Variants in SSBP2 observed in about 807,000 individuals in gnomAD.
SSBP2 encodes single stranded DNA binding protein 2.
A neutral mutation model predicts 61.8 loss-of-function variants in SSBP2; 17 were observed. That is an observed-to-expected ratio of 0.28 (90% CI 0.19 to 0.41). The LOEUF (loss-of-function observed/expected upper bound fraction) is 0.41. Ranked by LOEUF, SSBP2 falls within the 10% of genes least tolerant of loss-of-function variation. The pLI is 1.00. For synonymous variants in SSBP2, 139 were observed against 141.3 expected, an observed-to-expected ratio of 0.98 and a Z score of 0.12; for missense variants, 310 against 458.7, an observed-to-expected ratio of 0.68 and a Z score of 2.96.
intron 3 of SSBP2, among the ~76,000 whole-genome samples, chr5:81,626,877 T>C (rs1747215070): frequency 6.6e-6 from 1 of 152,226 alleles, no homozygotes; most frequent in Non-Finnish European, 1.5e-5. Flanking sequence ...TTAAGAAATA[T>C]GTGTTACTGA....
chr5:81,471,700 T>G (rs1400671601), intron 8 of SSBP2, among the ~76,000 whole-genome samples: 1 of 151,974 alleles, frequency 6.6e-6, no homozygotes, highest in African/African-American at 2.4e-5. Context: ...TTATTAGCTC[T>G]TAAGGAAATC....
chr5:81,685,558 G>C (rs1481937162), intron 1 of SSBP2, among the ~76,000 whole-genome samples: 1 of 152,076 alleles, frequency 6.6e-6, no homozygotes, highest in Admixed American at 6.6e-5. Flanking sequence ...TTAAAAAGAA[G>C]TTGCCCTACT....
intron 4 of SSBP2, among the ~76,000 whole-genome samples, chr5:81,546,008 T>A (rs1284235494): frequency 1.3e-5 from 2 of 152,200 alleles, no homozygotes; most frequent in African/African-American, 4.8e-5. Flanking sequence ...GTTGATCAGA[T>A]GAAATTCCCT....
At chr5:81,424,795 T>C (rs1761849279) in intron 16 of SSBP2, among the ~76,000 whole-genome samples, 1 of 151,960 alleles carries the variant, frequency 6.6e-6, no homozygotes, top group South Asian at 2.1e-4. Flanking sequence ...AAAGGAAGAG[T>C]AGGTGTTAAA....
intron 1 of SSBP2, among the ~76,000 whole-genome samples, chr5:81,699,887 GCT>G (rs1485606222): frequency 7.5e-6 from 1 of 133,520 alleles, no homozygotes; most frequent in African/African-American, 2.9e-5. Flanking sequence ...GACATGGTCT[GCT>G]CTGTCACCCA....
At chr5:81,497,450 A>G (rs1767374267) in intron 5 of SSBP2, among the ~76,000 whole-genome samples, 1 of 152,188 alleles carries the variant, frequency 6.6e-6, no homozygotes. Context: ...CAAAAGATAT[A>G]ATAAAGCTTG....
chr5:81,733,189 G>A (rs756297502), intron 1 of SSBP2, among the ~76,000 whole-genome samples: 4 of 151,874 alleles, frequency 2.6e-5, no homozygotes, highest in South Asian at 2.1e-4. Context: ...AGTGTCAATC[G>A]GCAAGATGAC....
At chr5:81,726,057 A>AT (rs1755865997) in intron 1 of SSBP2, among the ~76,000 whole-genome samples, 1 of 152,230 alleles carries the variant, frequency 6.6e-6, no homozygotes, top group Admixed American at 6.5e-5. Context: ...TTAAAGAGAC[A>AT]GACATATTCA....
chr5:81,638,847 T>C (rs546194554), intron 2 of SSBP2, among the ~76,000 whole-genome samples: 1 of 152,244 alleles, frequency 6.6e-6, no homozygotes, highest in African/African-American at 2.4e-5. Flanking sequence ...AAAGTAAAAA[T>C]GAATCATTTA....
Position 81,415,532 on chromosome 5 carries a change from T to C in SSBP2, c.*4972A>G, listed in dbSNP as rs1283741114. 1 of 152,108 alleles carries C rather than the reference T, an allele frequency of 6.6e-6. No homozygotes were observed. The highest frequency in any genetic ancestry group is 6.5e-5 in the Admixed American group (1 of 15,274). The allele number at this position is 152,108 out of a possible 1,614,324, so 9.4% of individuals were successfully genotyped here. ...TTATTGTTATAAAAATTTTTTCCAA[T>C]ATTTTTTATCAGGAGTTGATTGAAT... On this transcript the variant is annotated 3_prime_UTR_variant, in exon 17 of 17. Coordinates refer to ENST00000320672, the MANE Select transcript of SSBP2 (RefSeq NM_012446.5).
At chr5:81,425,362 T>C (rs1422201895) in intron 16 of SSBP2, among the ~76,000 whole-genome samples, 2 of 152,210 alleles carry the variant, frequency 1.3e-5, no homozygotes, top group African/African-American at 4.8e-5. Context: ...ATAAATTTAG[T>C]ATTTATGATT....
At chr5:81,452,895 G>C (rs1763867954) in intron 10 of SSBP2, among the ~76,000 whole-genome samples, 1 of 151,350 alleles carries the variant, frequency 6.6e-6, no homozygotes, top group African/African-American at 2.4e-5. Context: ...CAAGATACTT[G>C]ATCTAGGATT....
intron 4 of SSBP2, among the ~76,000 whole-genome samples, chr5:81,593,176 G>A (rs927070963): frequency 8.5e-5 from 13 of 152,152 alleles, no homozygotes; most frequent in East Asian, 7.7e-4. Context: ...ACCAAGGCAC[G>A]AGAGCTACAT....
At chr5:81,693,484 AT>A (rs1454006082) in intron 1 of SSBP2, among the ~76,000 whole-genome samples, 1 of 152,184 alleles carries the variant, frequency 6.6e-6, no homozygotes, top group East Asian at 1.9e-4. Flanking sequence ...GTACAGAAAA[AT>A]AATCTAATAA....
Position 81,556,340 on chromosome 5 carries a change from C to T in SSBP2, c.283-42623G>A, listed in dbSNP as rs1048704823. On this transcript the variant is annotated intron_variant, in intron 4 of 16. Transcript: ENST00000320672. ...ACGGGTACCAGAAAGACTTTCTCAGCTCAGTATCTTAGAAACCTATATTTC... is the reference window on the plus strand; with the variant it reads ...ACGGGTACCAGAAAGACTTTCTCAGTTCAGTATCTTAGAAACCTATATTTC... Among the ~76,000 whole-genome samples the T allele has an allele frequency of 2.6e-5, 4 of 152,162 alleles. No homozygotes were observed. In the South Asian group the frequency reaches 6.2e-4, roughly 24 times the overall value.
intron 14 of SSBP2, among the ~76,000 whole-genome samples, chr5:81,438,719 T>C (rs1019476843): frequency 2.6e-4 from 39 of 152,196 alleles, no homozygotes; most frequent in Non-Finnish European, 2.8e-4. Context: ...AATGAGAGCC[T>C]TTTAACTATT....
intron 2 of SSBP2, among the ~76,000 whole-genome samples, chr5:81,646,142 C>T (rs1329033686): frequency 6.6e-6 from 1 of 152,048 alleles, no homozygotes; most frequent in Admixed American, 6.6e-5. Context: ...CGCAACTTCA[C>T]CCAAAAGAAC....
At chr5:81,651,555 G>A (rs1249116713) in intron 1 of SSBP2, among the ~76,000 whole-genome samples, 3 of 152,110 alleles carry the variant, frequency 2.0e-5, no homozygotes, top group Non-Finnish European at 4.4e-5. Context: ...TGACAGTGAG[G>A]ATGAATGTAA....
chr5:81,743,323 C>A (rs1757151875), intron 1 of SSBP2, among the ~76,000 whole-genome samples: 1 of 152,176 alleles, frequency 6.6e-6, no homozygotes, highest in Non-Finnish European at 1.5e-5. Flanking sequence ...CCTGGTCTTT[C>A]TATGGCTGAT....
Sources: allele counts gnomAD v4.1 joint callset (sites outside exome capture counted in the v4.1 genomes callset), GRCh38; gene constraint gnomAD v4.1.1; transcripts MANE v1.5; gene names NCBI Gene and HGNC (gene_info 2026-07-23, HGNC 2026-07-21).